The following AMPH variants were observed in gnomAD, a reference collection of about 807,000 sequenced individuals.
The protein encoded by AMPH is amphiphysin.
In AMPH, 49 loss-of-function variants were observed where a neutral mutation model predicts 99.1. The observed-to-expected ratio is 0.49, with a 90% confidence interval of 0.39 to 0.63. AMPH has a LOEUF of 0.63. AMPH is among the 20% of genes least tolerant of loss of function. The pLI, the probability that AMPH is intolerant of heterozygous loss-of-function variation, is 0.00. For missense variants in AMPH, 759 were observed against 863.4 expected (o/e 0.88, Z 1.52); for synonymous variants, 314 against 317.3 (o/e 0.99, Z 0.11).
intron 8 of AMPH, 62 bp from the exon 9 acceptor site, chr7:38,465,611 T>C: frequency 7.0e-7 from 1 of 1,434,190 alleles, no homozygotes; most frequent in East Asian, 2.5e-5. Context: ...ATTCAGGCTA[T>C]TCTCCCCAAG....
intron 1 of AMPH, among the ~76,000 whole-genome samples, chr7:38,625,034 G>A (rs1037432129): frequency 1.3e-5 from 2 of 151,992 alleles, no homozygotes; most frequent in African/African-American, 2.4e-5. Flanking sequence ...ACACACTCAG[G>A]GTTAGGACCT....
At chr7:38,388,268 A>G (rs1417756396) in intron 20 of AMPH, among the ~76,000 whole-genome samples, 1 of 152,086 alleles carries the variant, frequency 6.6e-6, no homozygotes, top group Non-Finnish European at 1.5e-5. Context: ...GCAGACAAAA[A>G]TCCCATTATA....
chr7:38,398,882 T>G (rs145119335), intron 17 of AMPH, among the ~76,000 whole-genome samples: 265 of 152,318 alleles, frequency 1.7e-3, no homozygotes, highest in African/African-American at 6.0e-3. Context: ...AGGTATTAGC[T>G]GCTGTGACAC....
chr7:38,407,076 A>ATATATATATG (rs1478238678), intron 17 of AMPH, among the ~76,000 whole-genome samples: 7 of 19,732 alleles, frequency 3.5e-4, no homozygotes, highest in Non-Finnish European at 5.4e-4. Flanking sequence ...ATATATATAT[A>ATATATATATG]TGTGTGTGTG....
At chr7:38,442,059 T>G (rs1786577701) in intron 11 of AMPH, among the ~76,000 whole-genome samples, 1 of 151,274 alleles carries the variant, frequency 6.6e-6, no homozygotes, top group African/African-American at 2.4e-5. Context: ...TGAGAACACA[T>G]GGACACATAA....
intron 13 of AMPH, among the ~76,000 whole-genome samples, chr7:38,431,797 T>A (rs558947694): frequency 4.1e-4 from 63 of 152,358 alleles, no homozygotes; most frequent in East Asian, 1.3e-3. Flanking sequence ...CACTTTTTTT[T>A]AAAATGGTAC....
intron 2 of AMPH, among the ~76,000 whole-genome samples, chr7:38,532,679 C>T (rs1373243057): frequency 3.3e-5 from 5 of 151,728 alleles, no homozygotes; most frequent in African/African-American, 1.2e-4. Flanking sequence ...AATCAAATTG[C>T]ACTTTTCTCT....
intron 1 of AMPH, among the ~76,000 whole-genome samples, chr7:38,542,698 A>G (rs1014086405): frequency 5.3e-5 from 8 of 152,168 alleles, no homozygotes; most frequent in Non-Finnish European, 8.8e-5. Flanking sequence ...CTGACCTCCT[A>G]TAATCCCAAC....
chr7:38,441,871 T>TATATC (rs772227243), intron 11 of AMPH, among the ~76,000 whole-genome samples: 3,328 of 119,882 alleles, frequency 0.028, 208 homozygotes, highest in African/African-American at 0.11. Flanking sequence ...ATATATATCA[T>TATATC]ATATATATCA....
intron 11 of AMPH, among the ~76,000 whole-genome samples, chr7:38,457,748 A>C (rs890388698): frequency 1.3e-5 from 2 of 152,222 alleles, no homozygotes; most frequent in South Asian, 4.1e-4. Flanking sequence ...TCTCAATGCT[A>C]TATTACAGTC....
chr7:38,465,673 T>G, intron 8 of AMPH, 124 bp from the exon 9 acceptor site: 1 of 789,052 alleles, frequency 1.3e-6, no homozygotes, highest in Admixed American at 2.6e-5. Flanking sequence ...TTGGATGGCC[T>G]CAGGATAACT....
chr7:38,456,088 C>T (rs901728479), intron 11 of AMPH, among the ~76,000 whole-genome samples: 1 of 152,208 alleles, frequency 6.6e-6, no homozygotes, highest in East Asian at 1.9e-4. Flanking sequence ...CAAAGGTCTG[C>T]ATCCCTCCCT....
At chr7:38,528,839 CT>C (rs1297505705) in intron 2 of AMPH, among the ~76,000 whole-genome samples, 1 of 151,912 alleles carries the variant, frequency 6.6e-6, no homozygotes, top group African/African-American at 2.4e-5. Flanking sequence ...TTCCTTGTTT[CT>C]AATGCAAGCA....
At chr7:38,400,861 T>C (rs1013691583) in intron 17 of AMPH, among the ~76,000 whole-genome samples, 9 of 152,242 alleles carry the variant, frequency 5.9e-5, no homozygotes, top group South Asian at 4.1e-4. Flanking sequence ...TGAAATTCCA[T>C]ACTTATTTAT....
chr7:38,444,992 TA>T (rs1786704584), intron 11 of AMPH, among the ~76,000 whole-genome samples: 1 of 1,252 alleles, frequency 8.0e-4, no homozygotes. Flanking sequence ...TATATATACA[TA>T]TATATATATA....
At chr7:38,466,842 G>A (rs1562774275) in intron 7 of AMPH, among the ~76,000 whole-genome samples, 1 of 152,082 alleles carries the variant, frequency 6.6e-6, no homozygotes, top group Non-Finnish European at 1.5e-5. Flanking sequence ...TCATCACTGA[G>A]TAAATGAAAA....
At chr7:38,517,268 T>C (rs1245119479) in intron 2 of AMPH, among the ~76,000 whole-genome samples, 1 of 152,202 alleles carries the variant, frequency 6.6e-6, no homozygotes, top group Non-Finnish European at 1.5e-5. Context: ...ACCCAAGTGT[T>C]GGAGGAGGAA....
At chr7:38,458,746 G>A (rs906261551) in intron 11 of AMPH, among the ~76,000 whole-genome samples, 1 of 152,026 alleles carries the variant, frequency 6.6e-6, no homozygotes, top group African/African-American at 2.4e-5. Context: ...AAAAGCACAG[G>A]TAGCATCATA....
chr7:38,462,740 A>G (rs901759406), intron 10 of AMPH, among the ~76,000 whole-genome samples: 1 of 152,204 alleles, frequency 6.6e-6, no homozygotes, highest in Admixed American at 6.5e-5. Context: ...GAGCATGCCG[A>G]GAACGTGGTA....
Sources: allele counts gnomAD v4.1 joint callset (sites outside exome capture counted in the v4.1 genomes callset), GRCh38; gene constraint gnomAD v4.1.1; transcripts MANE v1.5; gene names NCBI Gene and HGNC (gene_info 2026-07-23, HGNC 2026-07-21).